Variants in CNTN3 observed in about 807,000 individuals in gnomAD.
The protein encoded by CNTN3 is contactin 3, also known as contactin-3.
In CNTN3, 60 loss-of-function variants were observed where a neutral mutation model predicts 119.1. That is an observed-to-expected ratio of 0.50 (90% CI 0.41 to 0.62). The LOEUF (loss-of-function observed/expected upper bound fraction) is 0.62, where lower values mean the gene tolerates loss of function less well. CNTN3 is among the 20% of genes least tolerant of loss of function. CNTN3 has a pLI of 0.00. For synonymous variants in CNTN3, 450 were observed against 438.7 expected, an observed-to-expected ratio of 1.03 and a Z score of -0.32; for missense variants, 1,101 against 1,242.4, an observed-to-expected ratio of 0.89 and a Z score of 1.71.
At chr3:74,583,841 G>T (rs1704553035) in intron 1 of CNTN3, among the ~76,000 whole-genome samples, 1 of 152,020 alleles carries the variant, frequency 6.6e-6, no homozygotes, top group Non-Finnish European at 1.5e-5. Flanking sequence ...CCTCATTTAG[G>T]GTGCACTAAG....
At chr3:74,358,087 G>A (rs1396951001) in intron 11 of CNTN3, among the ~76,000 whole-genome samples, 1 of 152,154 alleles carries the variant, frequency 6.6e-6, no homozygotes, top group Non-Finnish European at 1.5e-5. Context: ...CAACTTGTTC[G>A]ATAATTGCTT....
chr3:74,584,380 AGGAGGTGGGACCTAGTGT>A (rs889004046), intron 1 of CNTN3, among the ~76,000 whole-genome samples: 2 of 152,190 alleles, frequency 1.3e-5, no homozygotes, highest in African/African-American at 4.8e-5. Context: ...TCCCCAATGT[AGGAGGTGGGACCTAGTGT>A]GGAGTGTTTA....
chr3:74,611,147 C>A (rs759856831), intron 1 of CNTN3, among the ~76,000 whole-genome samples: 1 of 152,144 alleles, frequency 6.6e-6, no homozygotes, highest in Non-Finnish European at 1.5e-5. Flanking sequence ...TCTTCAAATG[C>A]CAATAGGTCT....
intron 20 of CNTN3, among the ~76,000 whole-genome samples, chr3:74,276,882 T>C: frequency 6.6e-6 from 1 of 152,034 alleles, no homozygotes; most frequent in East Asian, 1.9e-4. Flanking sequence ...TGATAGATCA[T>C]TGGCAAGATT....
At chr3:74,487,623 T>C (rs905970224) in intron 3 of CNTN3, among the ~76,000 whole-genome samples, 1 of 152,126 alleles carries the variant, frequency 6.6e-6, no homozygotes, top group Non-Finnish European at 1.5e-5. Context: ...GGATCAGGAG[T>C]GGCACCTACT....
intron 1 of CNTN3, among the ~76,000 whole-genome samples, chr3:74,575,042 C>A (rs995245092): frequency 2.0e-5 from 3 of 151,560 alleles, no homozygotes; most frequent in Non-Finnish European, 4.4e-5. Flanking sequence ...TCCCACCTTA[C>A]CCTCCAAAGT....
intron 20 of CNTN3, among the ~76,000 whole-genome samples, chr3:74,277,798 A>G (rs1246861451): frequency 2.0e-5 from 3 of 152,140 alleles, no homozygotes; most frequent in Non-Finnish European, 2.9e-5. Context: ...AATAAAGGGC[A>G]TCCAGATCAG....
intron 13 of CNTN3, among the ~76,000 whole-genome samples, chr3:74,328,464 T>C (rs1703182141): frequency 6.6e-6 from 1 of 152,214 alleles, no homozygotes; most frequent in Admixed American, 6.5e-5. Flanking sequence ...TTATGTCATT[T>C]CATTTATAGC....
At chr3:74,538,235 T>C (rs1386887971) in intron 1 of CNTN3, among the ~76,000 whole-genome samples, 1 of 152,184 alleles carries the variant, frequency 6.6e-6, no homozygotes, top group East Asian at 1.9e-4. Flanking sequence ...TGGGTGTTGA[T>C]ACTTAGTTGA....
intron 1 of CNTN3, among the ~76,000 whole-genome samples, chr3:74,569,222 T>A (rs1704273353): frequency 6.6e-6 from 1 of 152,180 alleles, no homozygotes; most frequent in Non-Finnish European, 1.5e-5. Flanking sequence ...GCCCTCATAT[T>A]ACCAGAACTG....
chr3:74,561,186 T>TA (rs922360158), intron 1 of CNTN3, among the ~76,000 whole-genome samples: 1 of 148,834 alleles, frequency 6.7e-6, no homozygotes, highest in African/African-American at 2.5e-5. Context: ...AAAAAAAAAA[T>TA]AAAAAAAAAT....
chr3:74,415,427 A>G (rs1701504509), intron 5 of CNTN3, among the ~76,000 whole-genome samples: 1 of 152,168 alleles, frequency 6.6e-6, no homozygotes, highest in Non-Finnish European at 1.5e-5. Context: ...GCTGACTTTA[A>G]TCCAAAAGGG....
intron 11 of CNTN3, among the ~76,000 whole-genome samples, chr3:74,350,590 A>G (rs568742527): frequency 3.9e-5 from 6 of 152,290 alleles, no homozygotes; most frequent in African/African-American, 1.4e-4. Context: ...AATGGAAAAT[A>G]AATCATTCTA....
intron 13 of CNTN3, among the ~76,000 whole-genome samples, chr3:74,329,233 G>C (rs1050798487): frequency 1.4e-4 from 22 of 152,096 alleles, no homozygotes; most frequent in Admixed American, 1.1e-3. Flanking sequence ...GCTGTAACTA[G>C]AGTGAAATTG....
intron 13 of CNTN3, among the ~76,000 whole-genome samples, chr3:74,313,777 G>C (rs1702760080): frequency 6.6e-6 from 1 of 152,124 alleles, no homozygotes; most frequent in South Asian, 2.1e-4. Context: ...CCCTCAGAGA[G>C]AATAGATGAT....
At chr3:74,523,573 G>A (rs989483935) in intron 1 of CNTN3, among the ~76,000 whole-genome samples, 5 of 151,854 alleles carry the variant, frequency 3.3e-5, no homozygotes, top group East Asian at 2.0e-4. Flanking sequence ...GTATATACAC[G>A]AAATCTAACT....
intron 5 of CNTN3, among the ~76,000 whole-genome samples, chr3:74,424,414 A>G (rs1461012343): frequency 6.6e-6 from 1 of 150,376 alleles, no homozygotes; most frequent in Non-Finnish European, 1.5e-5. Flanking sequence ...TATATATAAA[A>G]TACATATATA....
At chr3:74,600,934 T>C (rs1010806837) in intron 1 of CNTN3, among the ~76,000 whole-genome samples, 1 of 152,064 alleles carries the variant, frequency 6.6e-6, no homozygotes, top group Non-Finnish European at 1.5e-5. Context: ...CCTTTAATTC[T>C]TCCCAACTCT....
At chr3:74,307,848 A>C (rs1037508640) in intron 13 of CNTN3, among the ~76,000 whole-genome samples, 1 of 152,252 alleles carries the variant, frequency 6.6e-6, no homozygotes, top group Non-Finnish European at 1.5e-5. Context: ...AATGTAAAAG[A>C]AGCATAATTT....
Sources: allele counts gnomAD v4.1 joint callset (sites outside exome capture counted in the v4.1 genomes callset), GRCh38; gene constraint gnomAD v4.1.1; transcripts MANE v1.5; gene names NCBI Gene and HGNC (gene_info 2026-07-23, HGNC 2026-07-21).